Variants in ABCB4 observed in about 807,000 individuals in gnomAD.
ABCB4 encodes ATP binding cassette subfamily B member 4.
ABCB4 carries 76 observed loss-of-function variants against 145.7 expected under a neutral mutation model. The observed-to-expected ratio is 0.52, with a 90% CI of 0.43 to 0.63. ABCB4 has a LOEUF of 0.63. Ranked by LOEUF, ABCB4 falls within the 30% of genes least tolerant of loss-of-function variation. The pLI is 0.00. For missense variants in ABCB4, 1,234 were observed against 1,553.1 expected (o/e 0.79, Z 3.45); for synonymous variants, 517 against 566.8 (o/e 0.91, Z 1.25).
intron 18 of ABCB4, among the ~76,000 whole-genome samples, chr7:87,420,357 G>A (rs1167589809): frequency 3.3e-5 from 5 of 152,160 alleles, no homozygotes; most frequent in Non-Finnish European, 7.4e-5. Context: ...CCACCCCATG[G>A]CAGGATCCAG....
chr7:87,408,594 G>A (rs1327648616), intron 24 of ABCB4, among the ~76,000 whole-genome samples: 1 of 152,222 alleles, frequency 6.6e-6, no homozygotes, highest in African/African-American at 2.4e-5. Context: ...TCTACCCAAA[G>A]TTTCAGTGGG....
intron 14 of ABCB4, among the ~76,000 whole-genome samples, chr7:87,438,712 G>A (rs751968879): frequency 2.0e-5 from 3 of 152,138 alleles, no homozygotes; most frequent in Non-Finnish European, 4.4e-5. Flanking sequence ...TCACACGACT[G>A]CACTCCACGC....
the ABCB4 span, chr7:87,375,960 A>C: frequency 6.6e-7 from 1 of 1,525,662 alleles, no homozygotes. Flanking sequence ...TGAGGTACTT[A>C]ACTACCTTCT....
At chr7:87,371,739 G>C in the ABCB4 span, among the ~76,000 whole-genome samples, 1 of 151,996 alleles carries the variant, frequency 6.6e-6, no homozygotes, top group East Asian at 1.9e-4. Context: ...GCCTGTAATT[G>C]CAACATTTTG....
intron 14 of ABCB4, among the ~76,000 whole-genome samples, chr7:87,439,077 A>G (rs1810800321): frequency 6.6e-6 from 1 of 152,194 alleles, no homozygotes; most frequent in African/African-American, 2.4e-5. Context: ...TACCCCCAAA[A>G]GTGTACCAAG....
intron 9 of ABCB4, among the ~76,000 whole-genome samples, chr7:87,446,829 A>C (rs1486466231): frequency 6.6e-6 from 1 of 152,200 alleles, no homozygotes; most frequent in Non-Finnish European, 1.5e-5. Context: ...GTCTAACCAC[A>C]TGCTATTTTC....
At chr7:87,377,726 C>T in the ABCB4 span, among the ~76,000 whole-genome samples, 2 of 152,086 alleles carry the variant, frequency 1.3e-5, no homozygotes, top group African/African-American at 4.8e-5. Flanking sequence ...GTATTATCTG[C>T]TTGCTGAGAA....
intron 3 of ABCB4, among the ~76,000 whole-genome samples, chr7:87,464,836 A>G (rs1812740565): frequency 6.6e-6 from 1 of 152,176 alleles, no homozygotes; most frequent in South Asian, 2.1e-4. Context: ...GGTTTGTAGG[A>G]TTGTATTTTC....
the ABCB4 span, among the ~76,000 whole-genome samples, chr7:87,385,818 CAT>C: frequency 6.6e-6 from 1 of 152,124 alleles, no homozygotes; most frequent in Admixed American, 6.6e-5. Context: ...CTGGATTTGT[CAT>C]ATGTGGCTTT....
At chr7:87,375,564 C>A in the ABCB4 span, 1 of 1,170,080 alleles carries the variant, frequency 8.5e-7, no homozygotes, top group Non-Finnish European at 1.3e-6. Context: ...ATGTTATGAC[C>A]TTTTAAAGGC....
intron 27 of ABCB4, among the ~76,000 whole-genome samples, chr7:87,402,628 T>G (rs1484038321): frequency 6.6e-6 from 1 of 152,210 alleles, no homozygotes; most frequent in East Asian, 1.9e-4. Flanking sequence ...TTTGTGCAGC[T>G]TTTTTCTTTT....
chr7:87,444,776 T>C, intron 10 of ABCB4, 86 bp downstream of exon 10: 1 of 959,420 alleles, frequency 1.0e-6, no homozygotes, highest in South Asian at 1.4e-5. Context: ...TTCAATGTAG[T>C]TGATTCAAAA....
intron 4 of ABCB4, among the ~76,000 whole-genome samples, chr7:87,456,365 G>T (rs1584771689): frequency 6.6e-6 from 1 of 152,306 alleles, no homozygotes; most frequent in East Asian, 1.9e-4. Flanking sequence ...GATGGGAGGT[G>T]TTTGGGTCAA....
At chr7:87,453,979 C>T (rs776482847) in intron 5 of ABCB4, among the ~76,000 whole-genome samples, 7 of 152,112 alleles carry the variant, frequency 4.6e-5, no homozygotes, top group African/African-American at 7.2e-5. Flanking sequence ...TGAATTCAAA[C>T]GAATTTGGAA....
chr7:87,403,348 C>T, intron 26 of ABCB4, 67 bp from the exon 27 acceptor site: 1 of 1,425,092 alleles, frequency 7.0e-7, no homozygotes, highest in Non-Finnish European at 9.9e-7. Context: ...GTTCTATTTA[C>T]AAGAAAAACA....
chr7:87,372,679 AT>A, the ABCB4 span, among the ~76,000 whole-genome samples: 1 of 152,158 alleles, frequency 6.6e-6, no homozygotes, highest in Admixed American at 6.5e-5. Flanking sequence ...TATACATTTT[AT>A]TAATATAGGA....
chr7:87,396,501 C>T, the ABCB4 span, among the ~76,000 whole-genome samples: 549 of 152,154 alleles, frequency 3.6e-3, no homozygotes, highest in African/African-American at 0.013. Context: ...AGCATTGAAA[C>T]TAAAGCAAGT....
chr7:87,445,090 C>T, intron 9 of ABCB4, 115 bp from the exon 10 acceptor site: 1 of 761,130 alleles, frequency 1.3e-6, no homozygotes, highest in South Asian at 1.7e-5. Context: ...TTTATCCTTT[C>T]CTTTTTTTTT....
rs1488656588 is a variant in ABCB4, at chr7:87,440,345, T to C, written c.1414A>G (p.Ile472Val). The C allele has an allele frequency of 1.2e-6, 2 of 1,614,158 alleles. No homozygotes were observed. The highest frequency in any genetic ancestry group is 1.7e-6 in the Non-Finnish European group (2 of 1,180,022). ...NFNVNYLREI[I>V]GVVSQEPVLF... The stretch of plus-strand genomic sequence containing the variant: ...ACCGGCTCCTGACTCACCACACCAA[T>C]GATTTCCCTCAGATAGTTTACATTA... Residue 472 changes from isoleucine (I) to valine (V), a missense_variant, in exon 13 of 28, where the codon ATT becomes GTT. Ile to Val is a conservative substitution (Grantham distance 29). Around this residue, in one of 7 missense-constraint regions of ABCB4, gnomAD observed 467 missense variants for 632.8 expected, o/e 0.74. Coordinates refer to ENST00000649586, the MANE Select transcript of ABCB4 (RefSeq NM_000443.4).
Sources: gnomAD v4.1 joint callset for allele counts (sites outside exome capture counted in the v4.1 genomes callset) on GRCh38, gnomAD v4.1.1 for gene constraint, gnomAD v4.1.1 regional missense constraint, MANE v1.5 for transcripts, NCBI Gene and HGNC (gene_info 2026-07-23, HGNC 2026-07-21) for gene names.